STX12: variants seen among roughly 807,000 people sequenced by gnomAD.
STX12 encodes the protein syntaxin-12.
In STX12, 17 loss-of-function variants were observed where a neutral mutation model predicts 42.2. The ratio of observed to expected loss-of-function variants is 0.40; its 90% CI spans 0.28 to 0.60. STX12 has a LOEUF of 0.60. Among genes scored for constraint, STX12 ranks in the 20% least tolerant of loss-of-function variants. STX12 has a pLI of 0.39. For missense variants in STX12, 297 were observed against 330.9 expected (o/e 0.90, Z 0.79); for synonymous variants, 108 against 116.7 (o/e 0.93, Z 0.48).
intron 3 of STX12, among the ~76,000 whole-genome samples, chr1:27,797,153 C>T (rs2088792036): frequency 6.6e-6 from 1 of 151,954 alleles, no homozygotes; most frequent in Admixed American, 6.6e-5. Context: ...CCTTTGTCTC[C>T]CAGGTTCGAG....
intron 1 of STX12, among the ~76,000 whole-genome samples, chr1:27,778,465 C>T (rs1006758045): frequency 4.6e-5 from 7 of 152,196 alleles, no homozygotes; most frequent in Admixed American, 6.5e-5. Flanking sequence ...CCGAGGCGAT[C>T]GGATCACCTG....
intron 2 of STX12, among the ~76,000 whole-genome samples, chr1:27,790,390 A>G (rs2088731625): frequency 1.3e-5 from 2 of 152,156 alleles, no homozygotes; most frequent in South Asian, 4.1e-4. Context: ...GCCAGCTTTT[A>G]TTCCCTTATT....
chr1:27,791,611 C>G (rs896847975), intron 2 of STX12, among the ~76,000 whole-genome samples: 1 of 152,104 alleles, frequency 6.6e-6, no homozygotes, highest in Non-Finnish European at 1.5e-5. Flanking sequence ...GTCAGGAGAT[C>G]GAGACCATCC....
intron 4 of STX12, among the ~76,000 whole-genome samples, chr1:27,804,526 C>T (rs1356821645): frequency 6.6e-6 from 1 of 151,308 alleles, no homozygotes; most frequent in Non-Finnish European, 1.5e-5. Context: ...AAAGAACTGC[C>T]CGAAGCTGGG....
intron 1 of STX12, among the ~76,000 whole-genome samples, chr1:27,777,063 TTGTG>T (rs1355839751): frequency 6.6e-6 from 1 of 152,186 alleles, no homozygotes. Flanking sequence ...CCTCCCCTGA[TTGTG>T]TGTATATGTG....
At position 27,823,286 on chromosome 1, in the gene STX12, T is replaced by C. The variant is rs1300068808; in HGVS notation, c.*957T>C. 6.6e-6 allele frequency: 1 copy of C among 152,474 alleles called. No individual in the cohort carries two copies. The highest frequency in any genetic ancestry group is 1.5e-5 in the Non-Finnish European group (1 of 68,034). The allele number at this position is 152,474 out of a possible 1,614,324, so 9.4% of individuals were successfully genotyped here. ...TTGAAGGCAGGAAGATTTTTAAAGA[T>C]AGATTGAGGTTGGTTTAAAATTATT... On this transcript the variant is annotated 3_prime_UTR_variant, in exon 9 of 9. Transcript: ENST00000373943.
At chr1:27,799,477 G>GTTTTGTTTTTTTTTTTTTTTT (rs2088811521) in intron 3 of STX12, among the ~76,000 whole-genome samples, 1 of 130,714 alleles carries the variant, frequency 7.7e-6, no homozygotes, top group Admixed American at 7.5e-5. Context: ...TCATTAGCTT[G>GTTTTGTTTTTTTTTTTTTTTT]TTTTTTTTTT....
chr1:27,795,916 C>T (rs1464896608), intron 3 of STX12, among the ~76,000 whole-genome samples: 1 of 152,148 alleles, frequency 6.6e-6, no homozygotes, highest in Non-Finnish European at 1.5e-5. Flanking sequence ...TTAGGGAATA[C>T]ACACTTGTAG....
chr1:27,796,477 A>G (rs1328228800), intron 3 of STX12, among the ~76,000 whole-genome samples: 2 of 152,114 alleles, frequency 1.3e-5, no homozygotes, highest in Non-Finnish European at 2.9e-5. Context: ...CTGTAGCCTC[A>G]ACCTCCCAGG....
At chr1:27,773,870 G>T in intron 1 of STX12, 1 of 165,404 alleles carries the variant, frequency 6.0e-6, no homozygotes. Flanking sequence ...ATTCTGCTCA[G>T]CCCCTGGCTC....
At chr1:27,795,555 C>G (rs775919537) in intron 3 of STX12, among the ~76,000 whole-genome samples, 2 of 152,150 alleles carry the variant, frequency 1.3e-5, no homozygotes, top group African/African-American at 2.4e-5. Flanking sequence ...ATCTGCCCAG[C>G]TAGACCTCCC....
intron 1 of STX12, among the ~76,000 whole-genome samples, chr1:27,775,550 G>A (rs1476803810): frequency 6.6e-6 from 1 of 152,176 alleles, no homozygotes; most frequent in Non-Finnish European, 1.5e-5. Flanking sequence ...AGGATTACAG[G>A]CATGAATCAT....
At chr1:27,780,731 C>CA (rs1442146296) in intron 1 of STX12, among the ~76,000 whole-genome samples, 51 of 152,092 alleles carry the variant, frequency 3.4e-4, no homozygotes, top group African/African-American at 1.1e-3. Flanking sequence ...GCGAGTGGAT[C>CA]TCTTGAGCTC....
intron 1 of STX12, among the ~76,000 whole-genome samples, chr1:27,786,042 A>T (rs2088696311): frequency 6.6e-6 from 1 of 152,184 alleles, no homozygotes; most frequent in Non-Finnish European, 1.5e-5. Context: ...AGAGACTGTA[A>T]TGTGGCACAT....
At position 27,799,477 on chromosome 1, in the gene STX12, G is replaced by GTT. The variant is rs200472226; in HGVS notation, c.289-2191_289-2190dup. On this transcript the variant is annotated intron_variant, in intron 3 of 8. Transcript: ENST00000373943. The stretch of plus-strand genomic sequence containing the variant: ...GGTTGAACCCCAAACTCATTAGCTT[G>GTT]TTTTTTTTTTTGTTTTTTTTTTTGA... Among the ~76,000 whole-genome samples, 222 of 130,698 alleles carry GTT rather than the reference G, an allele frequency of 1.7e-3. 6 individuals carry two copies. The highest frequency in any genetic ancestry group is 6.0e-3 in the African/African-American group (188 of 31,232). The allele number at this position is 130,698 out of a possible 152,430, so 85.7% of individuals were successfully genotyped here. A position where few individuals can be genotyped will look rare whatever the true frequency, so the allele number is the denominator to read the frequency against.
At chr1:27,783,968 C>T (rs1026649527) in intron 1 of STX12, among the ~76,000 whole-genome samples, 2 of 152,016 alleles carry the variant, frequency 1.3e-5, no homozygotes, top group East Asian at 2.0e-4. Flanking sequence ...CATCTGAGGT[C>T]GGGAGTTTGA....
intron 2 of STX12, among the ~76,000 whole-genome samples, chr1:27,792,261 CATATATATGTATCT>C (rs1272710276): frequency 8.3e-6 from 1 of 119,850 alleles, no homozygotes; most frequent in Non-Finnish European, 1.7e-5. Flanking sequence ...TATGTAGATA[CATATATATGTATCT>C]ATATATATGT....
At chr1:27,777,366 A>G (rs1432848691) in intron 1 of STX12, among the ~76,000 whole-genome samples, 1 of 152,182 alleles carries the variant, frequency 6.6e-6, no homozygotes, top group Non-Finnish European at 1.5e-5. Context: ...AAAGAAGAGC[A>G]AGGAGGCTAG....
At chr1:27,799,486 TTTG>T (rs1557803078) in intron 3 of STX12, among the ~76,000 whole-genome samples, 4 of 149,064 alleles carry the variant, frequency 2.7e-5, no homozygotes, top group African/African-American at 1.0e-4. Context: ...TGTTTTTTTT[TTTG>T]TTTTTTTTTT....
Sources: allele counts gnomAD v4.1 joint callset (sites outside exome capture counted in the v4.1 genomes callset), GRCh38; gene constraint gnomAD v4.1.1; transcripts MANE v1.5; gene names NCBI Gene and HGNC (gene_info 2026-07-23, HGNC 2026-07-21).